The following RBM46 variants were observed in gnomAD, a reference collection of about 807,000 sequenced individuals.
The protein encoded by RBM46 is RNA binding motif protein 46.
A neutral mutation model predicts 43.3 loss-of-function variants in RBM46; 12 were observed. That is an observed-to-expected ratio of 0.28 (90% CI 0.18 to 0.45). The LOEUF (loss-of-function observed/expected upper bound fraction) is 0.45. RBM46 is among the 20% of genes least tolerant of loss of function. The pLI, the probability that RBM46 is intolerant of heterozygous loss-of-function variation, is 1.00. For synonymous variants in RBM46, 205 were observed against 207.6 expected (o/e 0.99, Z 0.11); for missense variants, 412 against 639.1 (o/e 0.64, Z 3.83).
intron 1 of RBM46, chr4:154,787,147 A>G (rs1441599283): frequency 1.3e-5 from 2 of 152,142 alleles, no homozygotes; most frequent in Admixed American, 1.3e-4. Flanking sequence ...GCCAAGATCA[A>G]GTATAGTATG....
intron 1 of RBM46, among the ~76,000 whole-genome samples, chr4:154,789,360 T>C (rs1036867978): frequency 6.6e-6 from 1 of 152,194 alleles, no homozygotes; most frequent in African/African-American, 2.4e-5. Context: ...CAATACCTAA[T>C]TTATTGAGAG....
intron 4 of RBM46, among the ~76,000 whole-genome samples, chr4:154,813,656 A>G (rs776364331): frequency 6.6e-6 from 1 of 152,012 alleles, no homozygotes; most frequent in Non-Finnish European, 1.5e-5. Context: ...CGCTTATTGT[A>G]TGTTATTTCT....
At chr4:154,786,196 C>T (rs1327086837) in intron 1 of RBM46, among the ~76,000 whole-genome samples, 1 of 152,136 alleles carries the variant, frequency 6.6e-6, no homozygotes, top group African/African-American at 2.4e-5. Context: ...AAGCAATTCC[C>T]CAGCTTCAGC....
chr4:154,799,460 C>T lies in RBM46; in HGVS notation c.1298C>T (p.Pro433Leu), dbSNP rs1295736503. The change falls in exon 4 of 5, where the codon CCT becomes CTT. Residue 433 changes from proline (P) to leucine (L), a missense_variant. Physicochemically the swap from Pro to Leu is moderately conservative, Grantham distance 98. This residue lies in a region of RBM46 where 149 missense variants were observed against 156.3 expected (regional missense o/e 0.95). Transcript: ENST00000281722. ...KVLLVYKIVI[P>L]AIANGSQSYF... The stretch of plus-strand genomic sequence containing the variant: ...CTCTTGGTGTATAAGATAGTTATTC[C>T]TGCTATTGCAAATGGATCCCAGAGT... The T allele has an allele frequency of 6.2e-7, 1 of 1,613,794 alleles. No individual in the cohort carries two copies. Among genetic ancestry groups the T allele is most frequent in the Non-Finnish European group, 8.5e-7 (1 of 1,179,848 alleles).
chr4:154,826,637 GT>G, intron 4 of RBM46: 1 of 622,844 alleles, frequency 1.6e-6, no homozygotes. Flanking sequence ...AGATCGCTTT[GT>G]TGATCTTATG....
chr4:154,782,333 C>T (rs1436647761), intron 1 of RBM46, among the ~76,000 whole-genome samples: 1 of 152,210 alleles, frequency 6.6e-6, no homozygotes, highest in Non-Finnish European at 1.5e-5. Context: ...CCAGTTTTCT[C>T]CTATGTAAAT....
chr4:154,785,055 G>A (rs971040211), intron 1 of RBM46, among the ~76,000 whole-genome samples: 1 of 152,050 alleles, frequency 6.6e-6, no homozygotes, highest in African/African-American at 2.4e-5. Context: ...TTATACACGT[G>A]CATATATTTT....
chr4:154,802,544 C>T (rs973416238), intron 4 of RBM46, among the ~76,000 whole-genome samples: 2 of 152,162 alleles, frequency 1.3e-5, no homozygotes, highest in African/African-American at 4.8e-5. Flanking sequence ...TCAAATAGCT[C>T]AGAGTTGAGA....
chr4:154,789,429 A>G (rs1303886363), intron 1 of RBM46, among the ~76,000 whole-genome samples: 1 of 152,206 alleles, frequency 6.6e-6, no homozygotes, highest in Non-Finnish European at 1.5e-5. Context: ...CTTTTGAGAT[A>G]ATCATGTGGT....
chr4:154,805,458 G>A (rs147869701), intron 4 of RBM46, among the ~76,000 whole-genome samples: 1 of 151,958 alleles, frequency 6.6e-6, no homozygotes, highest in African/African-American at 2.4e-5. Flanking sequence ...GTAGAATCTT[G>A]CATTTTTTTC....
At chr4:154,813,971 A>G (rs1735307467) in intron 4 of RBM46, among the ~76,000 whole-genome samples, 1 of 152,050 alleles carries the variant, frequency 6.6e-6, no homozygotes, top group Non-Finnish European at 1.5e-5. Context: ...TAAAATCTTC[A>G]AAGATATAGA....
chr4:154,803,437 AC>A (rs1734735412), intron 4 of RBM46, among the ~76,000 whole-genome samples: 1 of 152,146 alleles, frequency 6.6e-6, no homozygotes, highest in Non-Finnish European at 1.5e-5. Context: ...GCGGTGGCTC[AC>A]GCCTGTAATC....
chr4:154,815,357 C>T (rs1735382218), intron 4 of RBM46, among the ~76,000 whole-genome samples: 1 of 151,932 alleles, frequency 6.6e-6, no homozygotes, highest in Non-Finnish European at 1.5e-5. Context: ...AGTGGTGGGT[C>T]ATGTTTTTTA....
At chr4:154,818,876 C>G (rs1438580621) in intron 4 of RBM46, among the ~76,000 whole-genome samples, 2 of 152,092 alleles carry the variant, frequency 1.3e-5, no homozygotes, top group East Asian at 3.9e-4. Flanking sequence ...CATTTAGATT[C>G]ATTTCTCAGT....
At chr4:154,826,838 C>G in intron 4 of RBM46, 4 of 1,516,966 alleles carry the variant, frequency 2.6e-6, no homozygotes, top group Non-Finnish European at 3.5e-6. Flanking sequence ...ACATTAAGTC[C>G]CATGACAACA....
intron 1 of RBM46, among the ~76,000 whole-genome samples, chr4:154,789,512 T>A (rs956376306): frequency 1.3e-5 from 2 of 152,182 alleles, no homozygotes; most frequent in Non-Finnish European, 2.9e-5. Context: ...CCTTGCATCC[T>A]GGGGATGAAG....
intron 1 of RBM46, among the ~76,000 whole-genome samples, chr4:154,791,638 A>G (rs1436809308): frequency 6.6e-6 from 1 of 152,214 alleles, no homozygotes; most frequent in Admixed American, 6.5e-5. Flanking sequence ...GTTAACCAGG[A>G]AAGAGATTAT....
At chr4:154,808,830 A>G (rs899201185) in intron 4 of RBM46, among the ~76,000 whole-genome samples, 3 of 152,106 alleles carry the variant, frequency 2.0e-5, no homozygotes, top group Non-Finnish European at 4.4e-5. Flanking sequence ...AGAATCCCTT[A>G]AGGGATTCCT....
At chr4:154,794,610 T>G (rs1184568825) in intron 1 of RBM46, among the ~76,000 whole-genome samples, 1 of 152,216 alleles carries the variant, frequency 6.6e-6, no homozygotes, top group Non-Finnish European at 1.5e-5. Flanking sequence ...CTAAAGTTTA[T>G]AAGAAGTTAC....
Sources: gnomAD v4.1 joint callset for allele counts (sites outside exome capture counted in the v4.1 genomes callset) on GRCh38, gnomAD v4.1.1 for gene constraint, gnomAD v4.1.1 regional missense constraint, MANE v1.5 for transcripts, NCBI Gene and HGNC (gene_info 2026-07-23, HGNC 2026-07-21) for gene names.